BLOC1S5: variants seen among roughly 807,000 people sequenced by gnomAD.
The protein encoded by BLOC1S5 is biogenesis of lysosome-related organelles complex 1 subunit 5.
A neutral mutation model predicts 24.3 loss-of-function variants in BLOC1S5; 27 were observed. The ratio of observed to expected loss-of-function variants is 1.11; its 90% CI spans 0.82 to 1.53. The LOEUF (loss-of-function observed/expected upper bound fraction) is 1.53, where lower values mean the gene tolerates loss of function less well. Ranked by LOEUF, BLOC1S5 falls within the 40% of genes most tolerant of loss-of-function variation. BLOC1S5 has a pLI of 0.00. For missense variants in BLOC1S5, 239 were observed against 229.4 expected (o/e 1.04, Z -0.27); for synonymous variants, 84 against 74.5 (o/e 1.13, Z -0.66).
Position 8,035,783 on chromosome 6 carries a change from C to T in BLOC1S5, c.325+5356G>A, listed in dbSNP as rs115107540. 9.4e-3 allele frequency among the ~76,000 whole-genome samples: 1,436 copies of T among 152,150 alleles called. 25 individuals are homozygous for T. Among genetic ancestry groups the T allele is most frequent in the African/African-American group, 0.033 (1,364 of 41,514 alleles). On this transcript the variant is annotated intron_variant, in intron 3 of 4. Transcript: ENST00000397457. ...AAAGGGAGAGATAGAATGCAATAGC[C>T]GCAGGAGACTTCAACATCCCATTCT...
rs373233923 is a variant in BLOC1S5 at position 8,050,103 on chromosome 6, C to T, written c.196-8835G>A. On this transcript the variant is annotated intron_variant, in intron 2 of 4. Transcript: ENST00000397457. ...TTTACAAATTGAAGGTTTGTGGCAACGCTGTTTCAAGCAAGTCTATTGGTG... is the reference window on the plus strand; with the variant it reads ...TTTACAAATTGAAGGTTTGTGGCAATGCTGTTTCAAGCAAGTCTATTGGTG... Among the ~76,000 whole-genome samples, 35 of 152,278 alleles carry T rather than the reference C, an allele frequency of 2.3e-4. 1 individual carries two copies. Among genetic ancestry groups the T allele is most frequent in the African/African-American group, 7.9e-4 (33 of 41,558 alleles).
At chr6:8,029,849 T>C (rs1345735984) in intron 3 of BLOC1S5, among the ~76,000 whole-genome samples, 4 of 151,950 alleles carry the variant, frequency 2.6e-5, no homozygotes, top group African/African-American at 9.7e-5. Flanking sequence ...AAAAAAGAAA[T>C]CTGCAGGTAA....
intron 2 of BLOC1S5, among the ~76,000 whole-genome samples, chr6:8,057,853 T>C (rs1764369811): frequency 6.6e-6 from 1 of 152,218 alleles, no homozygotes. Flanking sequence ...CTAACACTTA[T>C]TTTTCTTTCA....
intron 2 of BLOC1S5, among the ~76,000 whole-genome samples, chr6:8,050,636 T>G (rs565580975): frequency 1.4e-3 from 202 of 149,620 alleles, no homozygotes; most frequent in Non-Finnish European, 2.6e-3. Context: ...AGAGTCTCAC[T>G]CTGTCACCCA....
chr6:8,062,970 A>G lies in BLOC1S5; in HGVS notation c.113-354T>C, dbSNP rs180678858. On this transcript the variant is annotated intron_variant, in intron 1 of 4. Coordinates refer to ENST00000397457, the MANE Select transcript of BLOC1S5 (RefSeq NM_201280.3). ...AAAACACCTTAACCATACTCATACA[A>G]TGGAATTCTATCAATCACCAAGTAA... is the stretch of plus-strand genomic sequence containing the variant. Among the ~76,000 whole-genome samples the G allele has an allele frequency of 5.9e-5, 9 of 152,288 alleles. No individual in the cohort carries two copies. In the East Asian group the frequency reaches 1.7e-3, roughly 29 times the overall value.
intron 2 of BLOC1S5, among the ~76,000 whole-genome samples, chr6:8,044,728 C>A (rs113082884): frequency 0.024 from 3,611 of 152,232 alleles, 145 homozygotes; most frequent in African/African-American, 0.08. Flanking sequence ...AGCAAAGAGA[C>A]TGGTGGCATT....
rs907267042 is a variant in BLOC1S5, at chr6:8,022,731, C to T, written c.384+3636G>A. On this transcript the variant is annotated intron_variant, in intron 4 of 4. Transcript: ENST00000397457. ...TCCCAAGTAGCTGGGACTACAGGCG[C>T]CCGCCACTACGCCCGGCTAATTTTT... 3.4e-5 allele frequency among the ~76,000 whole-genome samples: 5 copies of T among 144,944 alleles called. 2 individuals carry two copies. The highest frequency in any genetic ancestry group is 1.4e-4 in the African/African-American group (5 of 36,756).
intron 2 of BLOC1S5, among the ~76,000 whole-genome samples, chr6:8,049,598 C>G (rs1237701188): frequency 1.3e-5 from 2 of 152,282 alleles, no homozygotes; most frequent in East Asian, 3.9e-4. Context: ...CCTTTGCACC[C>G]TATCTCCTCC....
At chr6:8,060,259 C>T (rs950391937) in intron 2 of BLOC1S5, among the ~76,000 whole-genome samples, 1 of 152,110 alleles carries the variant, frequency 6.6e-6, no homozygotes, top group African/African-American at 2.4e-5. Context: ...ATTGCTGATG[C>T]TGTAACAATC....
At chr6:8,063,527 G>C (rs1181283957) in intron 1 of BLOC1S5, among the ~76,000 whole-genome samples, 1 of 152,138 alleles carries the variant, frequency 6.6e-6, no homozygotes, top group Non-Finnish European at 1.5e-5. Flanking sequence ...ACGATGGGCA[G>C]GTTTCAATTC....
At chr6:8,060,279 TAAAG>T in intron 2 of BLOC1S5, among the ~76,000 whole-genome samples, 1 of 152,246 alleles carries the variant, frequency 6.6e-6, no homozygotes, top group African/African-American at 2.4e-5. Context: ...CGTGATGTGT[TAAAG>T]AAAAAGAAAG....
chr6:8,054,835 A>G (rs867583793), intron 2 of BLOC1S5, among the ~76,000 whole-genome samples: 6 of 152,082 alleles, frequency 3.9e-5, no homozygotes, highest in Non-Finnish European at 7.4e-5. Flanking sequence ...TTTTGTATTT[A>G]TATTTGCTCT....
At chr6:8,047,142 CCT>C (rs761994219) in intron 2 of BLOC1S5, among the ~76,000 whole-genome samples, 15 of 102,338 alleles carry the variant, frequency 1.5e-4, no homozygotes, top group Admixed American at 3.1e-4. Flanking sequence ...AATAAGACCA[CCT>C]CTCTCTCTCT....
chr6:8,015,736 C>T lies in BLOC1S5; in HGVS notation c.477G>A (p.Val159=), dbSNP rs771067717. 6.2e-7 allele frequency: 1 copy of T among 1,614,120 alleles called. No homozygotes were observed. The highest frequency in any genetic ancestry group is 2.2e-5 in the East Asian group (1 of 44,874). Reference sequence around the variant, plus strand: ...CCATGGCTTTTCTGTGCTCTTCATCCACTTCAGCCCTTTTGTTGGGTTGCT... The same window carrying T: ...CCATGGCTTTTCTGTGCTCTTCATCTACTTCAGCCCTTTTGTTGGGTTGCT... ...MKEQPNKRAE[V]DEEHRKAMER... Residue 159 remains valine, a synonymous_variant, in exon 5 of 5, where the codon GTG becomes GTA. Transcript: ENST00000397457.
At chr6:8,023,595 A>AC (rs1763000807) in intron 4 of BLOC1S5, among the ~76,000 whole-genome samples, 1 of 151,952 alleles carries the variant, frequency 6.6e-6, no homozygotes, top group Non-Finnish European at 1.5e-5. Context: ...ATCTCAAAAA[A>AC]AAAAAAGAAT....
Position 8,064,350 on chromosome 6 carries a change from A to AG in BLOC1S5, c.26dup (p.Val10CysfsTer4), listed in dbSNP as rs772463682. ...CGCCCGGGGCGGCCTCACAACCCAC[A>AG]GGGGTCTCTGTCCCTCCGCCACTCA... On this transcript the variant is annotated frameshift_variant, in exon 1 of 5. Coordinates refer to ENST00000397457, the MANE Select transcript of BLOC1S5 (RefSeq NM_201280.3). LOFTEE classifies it high-confidence loss of function. 1.9e-6 allele frequency: 3 copies of AG among 1,612,030 alleles called. No individual in the cohort carries two copies. Among genetic ancestry groups the AG allele is most frequent in the Non-Finnish European group, 2.5e-6 (3 of 1,179,808 alleles).
At position 8,041,214 on chromosome 6, in the gene BLOC1S5, G is replaced by A. The variant is rs2113562066; in HGVS notation, c.250C>T (p.His84Tyr). The change falls in exon 3 of 5, where the codon CAT (histidine) becomes TAT (tyrosine). Residue 84 changes from histidine to tyrosine, a missense_variant. Physicochemically the swap from His to Tyr is moderately conservative, Grantham distance 83. Transcript: ENST00000397457. ...GGAAGAGTATGTTCATTTGTTTCAT[G>A]GATCATGTTCTTCAAATTTTCAAGA... ...RVLENLKNMIHETNEHTLPKC... is the reference protein window; with the variant it reads ...RVLENLKNMIYETNEHTLPKC... 2.5e-6 allele frequency: 4 copies of A among 1,612,476 alleles called. No individual in the cohort carries two copies. Among genetic ancestry groups the A allele is most frequent in the Non-Finnish European group, 3.4e-6 (4 of 1,179,198 alleles).
intron 2 of BLOC1S5, among the ~76,000 whole-genome samples, chr6:8,055,259 C>A (rs1465629716): frequency 6.6e-6 from 1 of 152,138 alleles, no homozygotes; most frequent in East Asian, 1.9e-4. Flanking sequence ...CGTGGTGAAA[C>A]CCTGTCTCTA....
chr6:8,059,778 T>G (rs1475316020), intron 2 of BLOC1S5, among the ~76,000 whole-genome samples: 2 of 152,208 alleles, frequency 1.3e-5, no homozygotes, highest in South Asian at 4.1e-4. Flanking sequence ...ATTGGTCTTG[T>G]GTTGGTCACT....
Sources: gnomAD v4.1 joint callset for allele counts (sites outside exome capture counted in the v4.1 genomes callset) on GRCh38, gnomAD v4.1.1 for gene constraint, MANE v1.5 for transcripts, NCBI Gene and HGNC (gene_info 2026-07-23, HGNC 2026-07-21) for gene names.